Variants in INTS1 observed in about 807,000 individuals in gnomAD.
INTS1 encodes integrator complex subunit 1.
INTS1 carries 137 observed loss-of-function variants against 241.6 expected under a neutral mutation model. The ratio of observed to expected loss-of-function variants is 0.57; its 90% CI spans 0.49 to 0.65. The LOEUF (loss-of-function observed/expected upper bound fraction) is 0.65. Among genes scored for constraint, INTS1 ranks in the 30% least tolerant of loss-of-function variants. The probability of loss-of-function intolerance (pLI) is 0.00; values close to 1 mark genes in which losing one functional copy is unlikely to be tolerated. For missense variants in INTS1, 3,073 were observed against 3,032.2 expected (o/e 1.01, Z -0.32); for synonymous variants, 1,692 against 1,337.8 (o/e 1.26, Z -5.78).
chr7:1,482,675 T>C lies in INTS1; in HGVS notation c.3574A>G (p.Ile1192Val). Residue 1192 changes from isoleucine to valine, a missense_variant, in exon 27 of 48, where the codon ATC becomes GTC. Physicochemically the swap from Ile to Val is conservative, Grantham distance 29. Transcript: ENST00000404767. Reference sequence around the variant, plus strand: ...AGTGGCTTCTCCTCCGGAAACCAGATGTCCAGCAGCGCCTGGAACTCGCTG... The same window carrying C: ...AGTGGCTTCTCCTCCGGAAACCAGACGTCCAGCAGCGCCTGGAACTCGCTG... ...DDSEFQALLDIWFPEEKPLPT... is the reference protein window; with the variant it reads ...DDSEFQALLDVWFPEEKPLPT... 3 of 1,612,774 alleles carry C rather than the reference T, an allele frequency of 1.9e-6. No individual in the cohort carries two copies. Among genetic ancestry groups the C allele is most frequent in the East Asian group, 2.2e-5 (1 of 44,878 alleles).
intron 26 of INTS1, 173 bp from the exon 27 acceptor site, chr7:1,482,880 G>C: frequency 1.4e-6 from 1 of 698,554 alleles, no homozygotes; most frequent in South Asian, 1.9e-5. Flanking sequence ...GCTTTGCGTA[G>C]GTGCACGCAT....
chr7:1,503,914 G>T lies in INTS1; in HGVS notation c.47C>A (p.Ala16Asp). Reference sequence around the variant, plus strand: ...GGAGGGAGACGCACCTGAGGGTTTGGCCGCGGCGCTGGGCCGGCGCACCGT... The same window carrying T: ...GGAGGGAGACGCACCTGAGGGTTTGTCCGCGGCGCTGGGCCGGCGCACCGT... ...PTTVRRPSAA[A>D]KPSGHPPPGD... Residue 16 changes from alanine (A) to aspartate (D), a missense_variant, in exon 2 of 48, where the codon GCC (alanine) becomes GAC (aspartate). Ala to Asp is a moderately radical substitution (Grantham distance 126). Transcript: ENST00000404767. 1 of 1,571,368 alleles carries T rather than the reference G, an allele frequency of 6.4e-7. No homozygotes were observed. The highest frequency in any genetic ancestry group is 1.4e-5 in the African/African-American group (1 of 73,354).
At position 1,472,117 on chromosome 7, in the gene INTS1, G is replaced by A. The variant is rs533593336; in HGVS notation, c.6184+156C>T. 106 of 628,190 alleles carry A rather than the reference G, an allele frequency of 1.7e-4. 1 individual carries two copies. The South Asian group carries it at 1.9e-3, about 11-fold the overall frequency. 38.9% of individuals were successfully genotyped at this position (628,190 alleles called of 1,614,324 possible). The stretch of plus-strand genomic sequence containing the variant: ...CTGAGTTTCTAAGGCCCTCTCTGGG[G>A]GTGCTCCCCACTGTGAGGAACAGCC... On this transcript the variant is annotated intron_variant, in intron 44 of 47. Transcript: ENST00000404767.
At chr7:1,494,154 A>AC (rs1782731921) in intron 14 of INTS1, among the ~76,000 whole-genome samples, 1 of 152,198 alleles carries the variant, frequency 6.6e-6, no homozygotes, top group South Asian at 2.1e-4. Context: ...CTTTGGGGAT[A>AC]CACACACAGT....
intron 5 of INTS1, 47 bp from the exon 6 acceptor site, chr7:1,499,679 C>A: frequency 1.3e-6 from 2 of 1,557,234 alleles, no homozygotes; most frequent in Non-Finnish European, 1.7e-6. Context: ...CGGGCAGCAG[C>A]CAGGTTGGGG....
In INTS1 at chr7:1,500,338, G is replaced by A. The variant is rs768634767; in HGVS notation, c.378C>T (p.Ile126=). The A allele has an allele frequency of 6.9e-6, 11 of 1,585,390 alleles. No individual in the cohort carries two copies. The highest frequency in any genetic ancestry group is 2.3e-5 in the East Asian group (1 of 43,906). ...EVLPTVLLDE[I]EAAELEGNDD... is the part of the protein sequence containing the mutation. ...CGTTGCCCTCCAGCTCGGCCGCCTC[G>A]ATCTCATCCAGCAGCACCGTGGGCA... The change falls in exon 4 of 48, where the codon ATC becomes ATT. Residue 126 remains isoleucine (I), a synonymous_variant. Transcript: ENST00000404767.
chr7:1,492,274 T>C (rs1339344128), intron 16 of INTS1, among the ~76,000 whole-genome samples: 2 of 152,188 alleles, frequency 1.3e-5, no homozygotes, highest in African/African-American at 4.8e-5. Flanking sequence ...AGGAGGACTT[T>C]GATACTGCCT....
chr7:1,476,371 G>GC lies in INTS1; in HGVS notation c.5235dup (p.Arg1746AlafsTer29). ...GCGGCTGTGTCCCCGTCCTGGCTCCGCGTCTCCGCCTCGGCCAGGATCAGC... is the reference window on the plus strand; with the variant it reads ...GCGGCTGTGTCCCCGTCCTGGCTCCGCCGTCTCCGCCTCGGCCAGGATCAGC... On this transcript the variant is annotated frameshift_variant, in exon 38 of 48. Coordinates refer to ENST00000404767, the MANE Select transcript of INTS1 (RefSeq NM_001080453.3). LOFTEE classifies it high-confidence loss of function. The GC allele has an allele frequency of 6.3e-7, 1 of 1,576,278 alleles. No individual in the cohort carries two copies. The highest frequency in any genetic ancestry group is 8.6e-7 in the Non-Finnish European group (1 of 1,165,516).
chr7:1,482,185 T>G lies in INTS1; in HGVS notation c.3703+361A>C, dbSNP rs1252201988. ...CTCAGTCCTTGCTGGGGTCCCCGGCTGCAGCTCCAACCCCCAAATCCTTCA... is the reference window on the plus strand; with the variant it reads ...CTCAGTCCTTGCTGGGGTCCCCGGCGGCAGCTCCAACCCCCAAATCCTTCA... On this transcript the variant is annotated intron_variant, in intron 27 of 47. Coordinates refer to ENST00000404767, the MANE Select transcript of INTS1 (RefSeq NM_001080453.3). 1.5e-5 allele frequency: 3 copies of G among 193,702 alleles called. No homozygotes were observed. The East Asian group carries it at 3.6e-4, about 23-fold the overall frequency. The allele number at this position is 193,702 out of a possible 1,614,324, so 12.0% of individuals were successfully genotyped here.
chr7:1,480,344 C>T lies in INTS1; in HGVS notation c.4047G>A (p.Glu1349=), dbSNP rs774612585. The T allele has an allele frequency of 6.2e-7, 1 of 1,610,966 alleles. No homozygotes were observed. Among genetic ancestry groups the T allele is most frequent in the Admixed American group, 1.7e-5 (1 of 59,902 alleles). Residue 1349 remains glutamate, a synonymous_variant, in exon 30 of 48, where the codon GAG becomes GAA. Transcript: ENST00000404767. The part of the protein sequence containing the change: ...VGTQLRVLGP[E]DDLAGMFLQI... ...GGAGGAACATGCCAGCCAGGTCGTC[C>T]TCAGGGCCCAGCACCCGGAGCTGGG... is the stretch of plus-strand genomic sequence containing the variant.
In INTS1 at chr7:1,478,600, G is replaced by C. The variant is rs976164458; in HGVS notation, c.4490-94C>G. 3.3e-6 allele frequency: 5 copies of C among 1,506,720 alleles called. No individual in the cohort carries two copies. The African/African-American group carries it at 4.1e-5, about 12-fold the overall frequency. 93.3% of individuals were successfully genotyped at this position (1,506,720 alleles called of 1,614,324 possible). On this transcript the variant is annotated intron_variant, in intron 32 of 47. Coordinates refer to ENST00000404767, the MANE Select transcript of INTS1 (RefSeq NM_001080453.3). ...GGCCCCACGGTAGAAGGGCTCCCCT[G>C]GGCCCACGCGGGTACCCACCCCCCA...
Position 1,476,627 on chromosome 7 carries a change from G to C in INTS1, c.5094C>G (p.Leu1698=), listed in dbSNP as rs1035432485. 2 of 1,612,602 alleles carry C rather than the reference G, an allele frequency of 1.2e-6. No individual in the cohort carries two copies. The highest frequency in any genetic ancestry group is 1.7e-6 in the Non-Finnish European group (2 of 1,179,892). ...TGCGAGGAACATGGATGCAGGCCCA[G>C]AGGAAGTCCAGAGAGGCAGAGGGGT... ...RFDPSASLDF[L]WACIHVPRIW... is the part of the protein sequence containing the mutation. The change falls in exon 37 of 48, where the codon CTC becomes CTG. Residue 1698 remains leucine, a synonymous_variant. Transcript: ENST00000404767.
At chr7:1,473,786 G>C in intron 41 of INTS1, 93 bp from the exon 42 acceptor site, 1 of 1,497,490 alleles carries the variant, frequency 6.7e-7, no homozygotes, top group Non-Finnish European at 9.1e-7. Context: ...CTCAGGGCAT[G>C]GACCCCACAG....
rs757120636 is a variant in INTS1 at position 1,500,018 on chromosome 7, G to A, written c.550C>T (p.Leu184=). ...GCGTCCCGCCGCAGGAGGCTACACAGAGCCTGCCAGGGAGGGCGCATGTCA... is the reference window on the plus strand; with the variant it reads ...GCGTCCCGCCGCAGGAGGCTACACAAAGCCTGCCAGGGAGGGCGCATGTCA... ...IFATEGVIEA[L]CSLLRRDASI... is the part of the protein sequence containing the mutation. The change falls in exon 5 of 48, where the codon CTG becomes TTG. Residue 184 remains leucine, a synonymous_variant. Transcript: ENST00000404767. The A allele has an allele frequency of 1.9e-6, 3 of 1,613,230 alleles. No individual in the cohort carries two copies. The highest frequency in any genetic ancestry group is 2.2e-5 in the South Asian group (2 of 91,070).
intron 8 of INTS1, 33 bp downstream of exon 8, chr7:1,498,942 T>TGGG: frequency 5.0e-6 from 4 of 800,086 alleles, no homozygotes; most frequent in Non-Finnish European, 6.9e-6. Context: ...CCCCACCCCC[T>TGGG]GCCCCGCCCA....
intron 43 of INTS1, 103 bp downstream of exon 43, chr7:1,472,969 C>T (rs949273875): frequency 2.8e-6 from 2 of 702,272 alleles, no homozygotes; most frequent in Admixed American, 6.3e-5. Context: ...CAGCCCCCAT[C>T]GGGACGCCTC....
Position 1,474,220 on chromosome 7 carries a change from T to C in INTS1, c.5777A>G (p.Glu1926Gly), listed in dbSNP as rs777228211. The C allele has an allele frequency of 1.9e-6, 3 of 1,595,874 alleles. No homozygotes were observed. In the East Asian group the frequency reaches 6.8e-5, roughly 36 times the overall value. Residue 1926 changes from glutamate to glycine, a missense_variant, in exon 41 of 48, where the codon GAG (glutamate) becomes GGG (glycine). By Grantham distance (98) the Glu-to-Gly change is moderately conservative. Transcript: ENST00000404767. ...ELLQPHVFRS[E>G]HQGALWDCLL... ...GCAGTCCCACAGCGCCCCCTGGTGC[T>C]CGCTGCGGAACACGTGCGGCTGCAG... is the stretch of plus-strand genomic sequence containing the variant.
intron 19 of INTS1, 114 bp from the exon 20 acceptor site, chr7:1,487,563 C>G (rs1782333267): frequency 7.2e-7 from 1 of 1,381,334 alleles, no homozygotes; most frequent in African/African-American, 1.4e-5. Context: ...GACGGGCAAC[C>G]CATCCTGACC....
In INTS1 at chr7:1,483,745, G is replaced by A. The variant is rs1248567083; in HGVS notation, c.3538C>T (p.Arg1180Ter). ...CCCGGGGCCTGTGGCGGCTCACCTC[G>A]AGGCGGGCCCAGCGTCAGCAGGATC... ...MVILLTLGPP[R>*]ADDSEFQALL... is the part of the protein sequence containing the mutation. Residue 1180 changes from arginine (R) to a stop codon, truncating the protein, a stop_gained, in exon 26 of 48, where the codon CGA becomes TGA. Coordinates refer to ENST00000404767, the MANE Select transcript of INTS1 (RefSeq NM_001080453.3). LOFTEE classifies it high-confidence loss of function. The A allele has an allele frequency of 6.2e-6, 10 of 1,609,946 alleles. No homozygotes were observed. Among genetic ancestry groups the A allele is most frequent in the Non-Finnish European group, 7.6e-6 (9 of 1,179,350 alleles).
Sources: gnomAD v4.1 joint callset for allele counts (sites outside exome capture counted in the v4.1 genomes callset) on GRCh38, gnomAD v4.1.1 for gene constraint, MANE v1.5 for transcripts, NCBI Gene and HGNC (gene_info 2026-07-23, HGNC 2026-07-21) for gene names.